Variants in RNPEPL1 observed in about 807,000 individuals in gnomAD.
RNPEPL1 encodes the protein aminopeptidase RNPEPL1.
In RNPEPL1, 46 loss-of-function variants were observed where a neutral mutation model predicts 69.0. The ratio of observed to expected loss-of-function variants is 0.67; its 90% CI spans 0.53 to 0.85. The LOEUF (loss-of-function observed/expected upper bound fraction) is 0.85. Among genes scored for constraint, RNPEPL1 ranks in the 40% least tolerant of loss-of-function variants. RNPEPL1 has a pLI of 0.00. For synonymous variants in RNPEPL1, 525 were observed against 454.1 expected, an observed-to-expected ratio of 1.16 and a Z score of -1.98; for missense variants, 869 against 992.5, an observed-to-expected ratio of 0.88 and a Z score of 1.67.
chr2:240,573,976 T>A, intron 4 of RNPEPL1, 85 bp downstream of exon 4: 1 of 1,394,714 alleles, frequency 7.2e-7, no homozygotes. Flanking sequence ...GGGTGTCCTG[T>A]CCCCATCTCC....
intron 4 of RNPEPL1, 77 bp from the exon 5 acceptor site, chr2:240,574,036 T>G: frequency 2.1e-6 from 3 of 1,443,344 alleles, no homozygotes; most frequent in Non-Finnish European, 2.9e-6. Flanking sequence ...CCCTGCTGGG[T>G]GGAAGGTGGG....
In RNPEPL1 at chr2:240,568,665, G is replaced by A; in HGVS notation, c.79G>A (p.Ala27Thr). The change falls in exon 1 of 11, where the codon GCC becomes ACC. Residue 27 changes from alanine (A) to threonine (T), a missense_variant. Around this residue, in one of 2 missense-constraint regions of RNPEPL1, gnomAD observed 259 missense variants for 201.5 expected, o/e 1.29. Coordinates refer to ENST00000270357, the MANE Select transcript of RNPEPL1 (RefSeq NM_018226.6). This position sits in a 1 kb window ranked among gnomAD's most constrained non-coding sequence, Gnocchi z 6.2. ...PVRPPPEPPP[A>T]LDVASASSAQ... ...CCGCCCGCCGCCCGAGCCGCCGCCC[G>A]CCCTGGACGTGGCCTCGGCCTCCAG... The A allele has an allele frequency of 9.8e-7, 1 of 1,020,798 alleles. No homozygotes were observed. The highest frequency in any genetic ancestry group is 1.2e-6 in the Non-Finnish European group (1 of 855,454). 63.2% of individuals were successfully genotyped at this position (1,020,798 alleles called of 1,614,324 possible).
chr2:240,573,448 G>A (rs1242137528), intron 3 of RNPEPL1, among the ~76,000 whole-genome samples, 187 bp downstream of exon 3: 38 of 128,654 alleles, frequency 3.0e-4, no homozygotes, highest in Admixed American at 9.9e-4. Context: ...CCTCAGACCC[G>A]GCAGCCTGGC....
chr2:240,568,828 C>G lies in RNPEPL1; in HGVS notation c.242C>G (p.Pro81Arg). Residue 81 changes from proline to arginine, a missense_variant, in exon 1 of 11, where the codon CCG (proline) becomes CGG (arginine). This residue lies in a region of RNPEPL1 where 259 missense variants were observed against 201.5 expected (regional missense o/e 1.29). Coordinates refer to ENST00000270357, the MANE Select transcript of RNPEPL1 (RefSeq NM_018226.6). The surrounding 1 kb of genome is among the most constrained non-coding windows in gnomAD (Gnocchi z 6.2). ...APRALVLDAHPALRLHSAAFR... is the reference protein window; with the variant it reads ...APRALVLDAHRALRLHSAAFR... ...CGCGCGCTCGTGCTCGACGCGCACC[C>G]GGCTCTGCGCCTGCACTCAGCCGCC... 5 of 1,141,344 alleles carry G rather than the reference C, an allele frequency of 4.4e-6. No homozygotes were observed. Among genetic ancestry groups the G allele is most frequent in the Non-Finnish European group, 3.2e-6 (3 of 927,376 alleles). The allele number at this position is 1,141,344 out of a possible 1,614,324, so 70.7% of individuals were successfully genotyped here.
chr2:240,574,622 G>A lies in RNPEPL1; in HGVS notation c.1282G>A (p.Glu428Lys), dbSNP rs776260587. The change falls in exon 6 of 11, where the codon GAG becomes AAG. Residue 428 changes from glutamate (E) to lysine (K), a missense_variant. Glu to Lys is a moderately conservative substitution (Grantham distance 56). Around this residue, in one of 2 missense-constraint regions of RNPEPL1, gnomAD observed 610 missense variants for 790.9 expected, o/e 0.77. Transcript: ENST00000270357. ...SPVSKLQVKL[E>K]PGVNPSHLMN... ...GGTCAGCAAACTGCAGGTCAAGCTG[G>A]AGCCAGGTACCTGCTCCTCAGGACC... 6.2e-7 allele frequency: 1 copy of A among 1,612,258 alleles called. No homozygotes were observed. The highest frequency in any genetic ancestry group is 8.5e-7 in the Non-Finnish European group (1 of 1,179,606).
At position 240,568,858 on chromosome 2, in the gene RNPEPL1, G is replaced by A. The variant is rs1214455386; in HGVS notation, c.272G>A (p.Arg91His). 1 of 1,197,554 alleles carries A rather than the reference G, an allele frequency of 8.4e-7. No individual in the cohort carries two copies. Among genetic ancestry groups the A allele is most frequent in the Non-Finnish European group, 1.0e-6 (1 of 961,002 alleles). 74.2% of individuals were successfully genotyped at this position (1,197,554 alleles called of 1,614,324 possible). ...CTGCGCCTGCACTCAGCCGCCTTCC[G>A]TCGCGCCCCCGCCGCCGCCGCCGAG... ...PALRLHSAAFRRAPAAAAETP... is the reference protein window; with the variant it reads ...PALRLHSAAFHRAPAAAAETP... Residue 91 changes from arginine to histidine, a missense_variant, in exon 1 of 11, where the codon CGT (arginine) becomes CAT (histidine). By Grantham distance (29) the Arg-to-His change is conservative (BLOSUM62 0). This residue lies in a region of RNPEPL1 where 259 missense variants were observed against 201.5 expected (regional missense o/e 1.29). Transcript: ENST00000270357. The surrounding 1 kb of genome is among the most constrained non-coding windows in gnomAD (Gnocchi z 6.2).
chr2:240,577,187 G>C (rs1298525407), intron 10 of RNPEPL1, among the ~76,000 whole-genome samples, 197 bp downstream of exon 10: 3 of 152,226 alleles, frequency 2.0e-5, no homozygotes, highest in African/African-American at 7.2e-5. Flanking sequence ...GACTCCACCA[G>C]TTCTTGGAGA....
At chr2:240,573,295 G>A (rs2975773) in intron 3 of RNPEPL1, 34 bp downstream of exon 3, 32 of 1,537,442 alleles carry the variant, frequency 2.1e-5, no homozygotes, top group East Asian at 1.2e-4. Flanking sequence ...CTGGGGCTGC[G>A]CAGGCCTCGG....
rs2093012725 is a variant in RNPEPL1, at chr2:240,568,907, C to T, written c.321C>T (p.Ser107=). The T allele has an allele frequency of 1.2e-5, 15 of 1,276,986 alleles. No individual in the cohort carries two copies. Among genetic ancestry groups the T allele is most frequent in the African/African-American group, 1.6e-5 (1 of 63,348 alleles). 79.1% of individuals were successfully genotyped at this position (1,276,986 alleles called of 1,614,324 possible). ...AAETPCAFAF[S]APGPGPAPPP... ...AGACGCCCTGCGCCTTCGCCTTCTC[C>T]GCCCCCGGGCCGGGGCCCGCGCCGC... Residue 107 remains serine, a synonymous_variant, in exon 1 of 11, where the codon TCC becomes TCT. Coordinates refer to ENST00000270357, the MANE Select transcript of RNPEPL1 (RefSeq NM_018226.6). The surrounding 1 kb of genome is among the most constrained non-coding windows in gnomAD (Gnocchi z 6.2).
At chr2:240,575,203 C>A in intron 7 of RNPEPL1, 61 bp downstream of exon 7, 1 of 1,329,532 alleles carries the variant, frequency 7.5e-7, no homozygotes, top group Non-Finnish European at 1.1e-6. Context: ...CTCCCCGGCT[C>A]ACAGGGCTGC....
At chr2:240,571,509 C>T (rs1333953346) in intron 1 of RNPEPL1, among the ~76,000 whole-genome samples, 4 of 152,024 alleles carry the variant, frequency 2.6e-5, no homozygotes, top group African/African-American at 9.7e-5. Context: ...GAAGAGGGTC[C>T]CCCTCCCAGA....
At chr2:240,569,931 C>T (rs903054571) in intron 1 of RNPEPL1, among the ~76,000 whole-genome samples, 33 of 152,192 alleles carry the variant, frequency 2.2e-4, no homozygotes, top group African/African-American at 8.0e-4. Flanking sequence ...CACAAAGAGC[C>T]AAGGTGACAT....
rs140607426 is a variant in RNPEPL1 at position 240,573,693 on chromosome 2, G to T, written c.822-82G>T. The T allele has an allele frequency of 4.9e-4, 589 of 1,192,148 alleles. 8 individuals are homozygous for T. In the East Asian group the frequency reaches 0.015, roughly 30 times the overall value. The allele number at this position is 1,192,148 out of a possible 1,614,324, so 73.8% of individuals were successfully genotyped here. Reference sequence around the variant, plus strand: ...TGGGTGAGGTGTGGGTGTTACTGGAGCCCCAGGGCAGTGGGAGAGCCTGGT... The same window carrying T: ...TGGGTGAGGTGTGGGTGTTACTGGATCCCCAGGGCAGTGGGAGAGCCTGGT... On this transcript the variant is annotated intron_variant, in intron 3 of 10. Transcript: ENST00000270357.
chr2:240,575,806 T>C, intron 8 of RNPEPL1, 196 bp downstream of exon 8: 1 of 583,460 alleles, frequency 1.7e-6, no homozygotes, highest in Non-Finnish European at 3.1e-6. Flanking sequence ...GGGGCCTCCC[T>C]GGGGCCGGTG....
At chr2:240,574,982 G>A (rs1559417158) in intron 6 of RNPEPL1, 48 bp from the exon 7 acceptor site, 20 of 1,412,576 alleles carry the variant, frequency 1.4e-5, no homozygotes, top group Non-Finnish European at 4.0e-6. Context: ...TATTCCACGG[G>A]ACACTGGTGG....
At chr2:240,572,391 G>A (rs1430577295) in intron 1 of RNPEPL1, 32 bp from the exon 2 acceptor site, 3 of 1,534,100 alleles carry the variant, frequency 2.0e-6, no homozygotes, top group East Asian at 4.9e-5. Context: ...CTAGCTGGGT[G>A]GCCGTCTGCT....
Position 240,578,120 on chromosome 2 carries a change from C to T in RNPEPL1, c.*228C>T, listed in dbSNP as rs922152359. 6.7e-6 allele frequency: 3 copies of T among 444,498 alleles called. No homozygotes were observed. The highest frequency in any genetic ancestry group is 3.8e-5 in the Admixed American group (1 of 26,522). 27.5% of individuals were successfully genotyped at this position (444,498 alleles called of 1,614,324 possible). A position where few individuals can be genotyped will look rare whatever the true frequency, so the allele number is the denominator to read the frequency against. On this transcript the variant is annotated 3_prime_UTR_variant, in exon 11 of 11. Transcript: ENST00000270357. ...TCCCAGCTCTCTTGCACTGCAGGCCCTGGGGCCAGCCCGCACACACCATGC... is the reference window on the plus strand; with the variant it reads ...TCCCAGCTCTCTTGCACTGCAGGCCTTGGGGCCAGCCCGCACACACCATGC...
chr2:240,579,140 C>T lies in RNPEPL1; in HGVS notation c.*1248C>T, dbSNP rs887133963. Reference sequence around the variant, plus strand: ...GGATGTGGCGCCACCATCTCAGTGCCACGCACACCTGGCCAACATGCCGTG... The same window carrying T: ...GGATGTGGCGCCACCATCTCAGTGCTACGCACACCTGGCCAACATGCCGTG... On this transcript the variant is annotated 3_prime_UTR_variant, in exon 11 of 11. Coordinates refer to ENST00000270357, the MANE Select transcript of RNPEPL1 (RefSeq NM_018226.6). 1.3e-5 allele frequency: 2 copies of T among 152,278 alleles called. No homozygotes were observed. Among genetic ancestry groups the T allele is most frequent in the Admixed American group, 1.3e-4 (2 of 15,284 alleles). 9.4% of individuals were successfully genotyped at this position (152,278 alleles called of 1,614,324 possible).
In RNPEPL1 at chr2:240,574,227, C is replaced by T. The variant is rs924502937; in HGVS notation, c.1053C>T (p.Val351=). The T allele has an allele frequency of 6.2e-6, 10 of 1,613,292 alleles. No individual in the cohort carries two copies. The African/African-American group carries it at 1.2e-4, about 19-fold the overall frequency. ...LESDEFLVID[V]IHEVAHSWFG... Reference sequence around the variant, plus strand: ...GCGATGAGTTCCTGGTCATCGATGTCATCCACGAGGTGGCCCACAGTTGGT... The same window carrying T: ...GCGATGAGTTCCTGGTCATCGATGTTATCCACGAGGTGGCCCACAGTTGGT... The change falls in exon 5 of 11, where the codon GTC becomes GTT. Residue 351 remains valine (V), a synonymous_variant. Coordinates refer to ENST00000270357, the MANE Select transcript of RNPEPL1 (RefSeq NM_018226.6).
Sources: gnomAD v4.1 joint callset for allele counts (sites outside exome capture counted in the v4.1 genomes callset) on GRCh38, gnomAD v4.1.1 for gene constraint, gnomAD v4.1.1 regional missense constraint, Gnocchi (gnomAD v3.1) non-coding constraint, MANE v1.5 for transcripts, NCBI Gene and HGNC (gene_info 2026-07-23, HGNC 2026-07-21) for gene names.